The following PDE8B variants were observed in gnomAD, a reference collection of about 807,000 sequenced individuals.
PDE8B encodes phosphodiesterase 8B.
In PDE8B, 26 loss-of-function variants were observed where a neutral mutation model predicts 101.3. The observed-to-expected ratio is 0.26, with a 90% CI of 0.19 to 0.36. PDE8B has a LOEUF of 0.36. Among genes scored for constraint, PDE8B ranks in the 10% least tolerant of loss-of-function variants. PDE8B has a pLI of 1.00. For missense variants in PDE8B, 810 were observed against 1,163.1 expected (o/e 0.70, Z 4.42); for synonymous variants, 424 against 429.3 (o/e 0.99, Z 0.15).
the PDE8B span, among the ~76,000 whole-genome samples, chr5:77,172,407 C>A: frequency 5.3e-5 from 8 of 152,306 alleles, no homozygotes; most frequent in Middle Eastern, 0.01. Flanking sequence ...CATGCTTGCA[C>A]CTAGGAGAAG....
At chr5:77,302,654 T>G (rs997593090) in intron 1 of PDE8B, among the ~76,000 whole-genome samples, 3 of 152,228 alleles carry the variant, frequency 2.0e-5, no homozygotes, top group East Asian at 3.8e-4. Flanking sequence ...AGTCTCTTTG[T>G]ACACCATCTT....
chr5:77,308,132 G>T (rs1056893014), intron 1 of PDE8B, among the ~76,000 whole-genome samples: 1 of 152,200 alleles, frequency 6.6e-6, no homozygotes, highest in Admixed American at 6.5e-5. Context: ...CCTGCTACAG[G>T]TTTTTTCCTG....
chr5:77,316,153 A>G lies in PDE8B; in HGVS notation c.399+4100A>G, dbSNP rs552608069. Among the ~76,000 whole-genome samples, 8 of 152,008 alleles carry G rather than the reference A, an allele frequency of 5.3e-5. No individual in the cohort carries two copies. In the East Asian group the frequency reaches 1.5e-3, roughly 29 times the overall value. On this transcript the variant is annotated intron_variant, in intron 2 of 21. Transcript: ENST00000264917. ...TGTTTCTTGTTTCTGCTTATTATCA[A>G]GTTGGGAATGTTTTTGAAGTTACAT... is the stretch of plus-strand genomic sequence containing the variant.
intron 1 of PDE8B, chr5:77,290,190 C>T (rs752494084): frequency 2.8e-5 from 43 of 1,514,420 alleles, no homozygotes; most frequent in South Asian, 1.3e-4. Flanking sequence ...ATTGATGTGG[C>T]GCCTGCCTCG....
intron 3 of PDE8B, among the ~76,000 whole-genome samples, chr5:77,327,596 T>G (rs9686502): frequency 0.61 from 93,091 of 152,016 alleles, 30,361 homozygotes; most frequent in East Asian, 0.89. Context: ...CACTATGTAT[T>G]TTTTCATTAG....
At chr5:77,366,896 G>A (rs1438232269) in intron 10 of PDE8B, among the ~76,000 whole-genome samples, 1 of 152,096 alleles carries the variant, frequency 6.6e-6, no homozygotes. Context: ...CATCAAGGGC[G>A]CTTTGGTCCA....
In PDE8B at chr5:77,320,323, T is replaced by C. The variant is rs572296806; in HGVS notation, c.400-5216T>C. 3.3e-5 allele frequency among the ~76,000 whole-genome samples: 5 copies of C among 152,358 alleles called. No homozygotes were observed. In the South Asian group the frequency reaches 8.3e-4, roughly 25 times the overall value. On this transcript the variant is annotated intron_variant, in intron 2 of 21. Transcript: ENST00000264917. ...GCAAAGTGAGGATTGCCGATAGCTA[T>C]GTTCTGACTACGGACAGAACACAAG...
intron 10 of PDE8B, among the ~76,000 whole-genome samples, chr5:77,395,553 A>G (rs1404227339): frequency 6.6e-6 from 1 of 151,816 alleles, no homozygotes; most frequent in Non-Finnish European, 1.5e-5. Context: ...TCACCTCGCT[A>G]GGATAAGTCC....
rs1263937678 is a variant in PDE8B, at chr5:77,427,752, CAG to C, written c.*1200_*1201del. The C allele has an allele frequency of 6.6e-6, 1 of 152,174 alleles. No homozygotes were observed. Among genetic ancestry groups the C allele is most frequent in the Non-Finnish European group, 1.5e-5 (1 of 68,036 alleles). The allele number at this position is 152,174 out of a possible 1,614,324, so 9.4% of individuals were successfully genotyped here. A position where few individuals can be genotyped will look rare whatever the true frequency, so the allele number is the denominator to read the frequency against. ...CAACTCCCTGTGATCTACATAAAGT[CAG>C]ACTCGAGATTTTCCTTTCTCTTTTA... On this transcript the variant is annotated 3_prime_UTR_variant, in exon 22 of 22. Coordinates refer to ENST00000264917, the MANE Select transcript of PDE8B (RefSeq NM_003719.5).
intron 7 of PDE8B, among the ~76,000 whole-genome samples, chr5:77,347,601 C>T (rs1780372523): frequency 1.3e-5 from 2 of 152,130 alleles, no homozygotes; most frequent in Non-Finnish European, 2.9e-5. Context: ...TCAAAATAGC[C>T]TTTGCCCTTG....
At chr5:77,149,689 A>T in the PDE8B span, among the ~76,000 whole-genome samples, 2 of 152,190 alleles carry the variant, frequency 1.3e-5, no homozygotes, top group Admixed American at 1.3e-4. Context: ...ATAGATTTTT[A>T]AAATACTGAT....
At chr5:77,229,565 C>T (rs72765198) in intron 1 of PDE8B, among the ~76,000 whole-genome samples, 20,305 of 152,044 alleles carry the variant, frequency 0.13, 1,933 homozygotes, top group East Asian at 0.5. Context: ...CAAAAGAAAC[C>T]CTGAATTTAT....
intron 1 of PDE8B, among the ~76,000 whole-genome samples, chr5:77,244,113 CCAAGCCATGAT>C (rs1255053103): frequency 1.3e-5 from 2 of 152,134 alleles, no homozygotes; most frequent in African/African-American, 4.8e-5. Context: ...ATGACACAAG[CCAAGCCATGAT>C]AGGACTGCAG....
intron 10 of PDE8B, among the ~76,000 whole-genome samples, chr5:77,369,189 C>T (rs181348917): frequency 8.7e-5 from 10 of 114,626 alleles, no homozygotes; most frequent in East Asian, 2.6e-4. Flanking sequence ...TGCGACAGAG[C>T]GAGTCCACTG....
intron 2 of PDE8B, among the ~76,000 whole-genome samples, chr5:77,322,976 G>T (rs1775368692): frequency 6.6e-6 from 1 of 152,186 alleles, no homozygotes; most frequent in East Asian, 1.9e-4. Context: ...AGGCATAATG[G>T]TGTCAAGGAA....
At chr5:77,225,987 G>A (rs1752318684) in intron 1 of PDE8B, among the ~76,000 whole-genome samples, 1 of 152,062 alleles carries the variant, frequency 6.6e-6, no homozygotes, top group Admixed American at 6.6e-5. Context: ...ATTAGGGTCT[G>A]TCCCACTAGG....
intron 1 of PDE8B, among the ~76,000 whole-genome samples, chr5:77,277,826 C>G (rs1764147745): frequency 6.6e-6 from 1 of 152,206 alleles, no homozygotes; most frequent in African/African-American, 2.4e-5. Context: ...GTGAAACTTA[C>G]TCCATTAACC....
At chr5:77,187,489 A>T in the PDE8B span, among the ~76,000 whole-genome samples, 1 of 152,168 alleles carries the variant, frequency 6.6e-6, no homozygotes, top group Non-Finnish European at 1.5e-5. Flanking sequence ...AAAAAAATCA[A>T]AGCAGTGAGC....
At chr5:77,361,367 A>G (rs1022283509) in intron 10 of PDE8B, among the ~76,000 whole-genome samples, 1 of 152,228 alleles carries the variant, frequency 6.6e-6, no homozygotes, top group African/African-American at 2.4e-5. Flanking sequence ...TCATGTCTAT[A>G]GTAGTTTCAT....
Sources: gnomAD v4.1 joint callset for allele counts (sites outside exome capture counted in the v4.1 genomes callset) on GRCh38, gnomAD v4.1.1 for gene constraint, MANE v1.5 for transcripts, NCBI Gene and HGNC (gene_info 2026-07-23, HGNC 2026-07-21) for gene names.